ENTREP2: variants seen among roughly 807,000 people sequenced by gnomAD.
The protein encoded by ENTREP2 is endosomal transmembrane epsin interactor 2, also known as protein ENTREP2.
the ENTREP2 span, among the ~76,000 whole-genome samples, chr15:29,437,998 C>T: frequency 6.6e-6 from 1 of 152,206 alleles, no homozygotes; most frequent in Non-Finnish European, 1.5e-5. Context: ...GTATCAGCTA[C>T]TCAGTAAGTT....
chr15:29,502,735 A>G, the ENTREP2 span, among the ~76,000 whole-genome samples: 1 of 152,094 alleles, frequency 6.6e-6, no homozygotes, highest in East Asian at 1.9e-4. Context: ...GACTCCTAGC[A>G]TTCAACGACA....
At chr15:29,286,689 C>A in the ENTREP2 span, among the ~76,000 whole-genome samples, 5 of 152,212 alleles carry the variant, frequency 3.3e-5, no homozygotes, top group African/African-American at 9.7e-5. Context: ...TCAGCCCATG[C>A]CACTGACTAG....
At chr15:29,459,022 C>A in the ENTREP2 span, among the ~76,000 whole-genome samples, 1 of 152,214 alleles carries the variant, frequency 6.6e-6, no homozygotes, top group African/African-American at 2.4e-5. Context: ...ATCTCCAGGG[C>A]AGGCAAACTT....
At chr15:29,670,989 T>C in the ENTREP2 span, among the ~76,000 whole-genome samples, 6,157 of 152,244 alleles carry the variant, frequency 0.04, 164 homozygotes, top group South Asian at 0.067. Flanking sequence ...AAGGCAGGAT[T>C]AGGAGGTTGG....
At chr15:29,210,979 T>C in the ENTREP2 span, among the ~76,000 whole-genome samples, 1 of 152,194 alleles carries the variant, frequency 6.6e-6, no homozygotes, top group Non-Finnish European at 1.5e-5. Flanking sequence ...TTAAGATACG[T>C]CCCAGAATGC....
chr15:29,518,168 T>A, the ENTREP2 span, among the ~76,000 whole-genome samples: 1 of 151,886 alleles, frequency 6.6e-6, no homozygotes, highest in Non-Finnish European at 1.5e-5. Flanking sequence ...ATTGCTACAC[T>A]CCAGCCTGGG....
At chr15:29,386,878 T>C in the ENTREP2 span, among the ~76,000 whole-genome samples, 5 of 152,382 alleles carry the variant, frequency 3.3e-5, no homozygotes, top group South Asian at 6.2e-4. Context: ...AAGTTGCTTA[T>C]CAGCTTAAGG....
chr15:29,597,747 ATGC>A, the ENTREP2 span, among the ~76,000 whole-genome samples: 34,521 of 151,902 alleles, frequency 0.23, 4,087 homozygotes, highest in South Asian at 0.33. Context: ...AAACATTGGC[ATGC>A]TGGTTTATGT....
At chr15:29,579,994 G>A in the ENTREP2 span, among the ~76,000 whole-genome samples, 1 of 151,964 alleles carries the variant, frequency 6.6e-6, no homozygotes, top group Non-Finnish European at 1.5e-5. Flanking sequence ...ACAGGTGTGA[G>A]CCACCGCGCC....
the ENTREP2 span, among the ~76,000 whole-genome samples, chr15:29,503,047 G>T: frequency 6.6e-6 from 1 of 151,976 alleles, no homozygotes; most frequent in African/African-American, 2.4e-5. Context: ...AAAACAGTCT[G>T]GTAGTTAAAC....
At chr15:29,616,410 C>T in the ENTREP2 span, among the ~76,000 whole-genome samples, 1 of 152,118 alleles carries the variant, frequency 6.6e-6, no homozygotes, top group Non-Finnish European at 1.5e-5. Flanking sequence ...CTCACCACTC[C>T]ACACTCAGAG....
the ENTREP2 span, among the ~76,000 whole-genome samples, chr15:29,539,678 C>G: frequency 1.3e-5 from 2 of 152,096 alleles, no homozygotes; most frequent in South Asian, 4.1e-4. Context: ...TTCCAAGCAA[C>G]AGAATCAAGT....
the ENTREP2 span, among the ~76,000 whole-genome samples, chr15:29,346,753 G>C: frequency 6.6e-6 from 1 of 152,058 alleles, no homozygotes; most frequent in South Asian, 2.1e-4. Flanking sequence ...TATTTAGTGA[G>C]TTTTCTTTTT....
At chr15:29,344,651 T>TG in the ENTREP2 span, among the ~76,000 whole-genome samples, 20 of 151,060 alleles carry the variant, frequency 1.3e-4, no homozygotes, top group African/African-American at 4.4e-4. Flanking sequence ...ACACCAGAGG[T>TG]GGAGTGGGGA....
At chr15:29,393,584 G>A in the ENTREP2 span, among the ~76,000 whole-genome samples, 1 of 152,196 alleles carries the variant, frequency 6.6e-6, no homozygotes, top group Non-Finnish European at 1.5e-5. Context: ...GCATCAAGGA[G>A]CATGTCTTTT....
At chr15:29,662,830 C>T in the ENTREP2 span, among the ~76,000 whole-genome samples, 5 of 152,274 alleles carry the variant, frequency 3.3e-5, no homozygotes, top group South Asian at 8.3e-4. Flanking sequence ...AAGCAATTCT[C>T]CTGCCTCCGC....
At chr15:29,586,409 T>C in the ENTREP2 span, among the ~76,000 whole-genome samples, 1 of 152,228 alleles carries the variant, frequency 6.6e-6, no homozygotes, top group Non-Finnish European at 1.5e-5. Context: ...ACTCTGTGAC[T>C]ATACTAAAAA....
At chr15:29,552,792 T>C in the ENTREP2 span, among the ~76,000 whole-genome samples, 6 of 152,158 alleles carry the variant, frequency 3.9e-5, no homozygotes, top group Admixed American at 1.3e-4. Context: ...AGTTGACTGT[T>C]TGCAGAATTT....
the ENTREP2 span, among the ~76,000 whole-genome samples, chr15:29,316,218 C>T: frequency 1.3e-5 from 2 of 151,972 alleles, no homozygotes; most frequent in East Asian, 1.9e-4. Context: ...CCACAGAGAG[C>T]GGTTTAAACT....
Sources: allele counts gnomAD v4.1 joint callset (sites outside exome capture counted in the v4.1 genomes callset), GRCh38; gene constraint gnomAD v4.1.1; transcripts MANE v1.5; gene names NCBI Gene and HGNC (gene_info 2026-07-23, HGNC 2026-07-21).